Variants in ATOH8 observed in about 807,000 individuals in gnomAD.
ATOH8 encodes atonal bHLH transcription factor 8, also known as transcription factor ATOH8.
Under a neutral mutation model 21.2 loss-of-function variants are expected in ATOH8, and 9 were observed. The ratio of observed to expected loss-of-function variants is 0.42; its 90% confidence interval spans 0.26 to 0.74. ATOH8 has a LOEUF of 0.74. Ranked by LOEUF, ATOH8 falls within the 30% of genes least tolerant of loss-of-function variation. The pLI, the probability that ATOH8 is intolerant of heterozygous loss-of-function variation, is 0.24. For missense variants in ATOH8, 524 were observed against 470.9 expected, an observed-to-expected ratio of 1.11 and a Z score of -1.04; for synonymous variants, 253 against 224.0, an observed-to-expected ratio of 1.13 and a Z score of -1.16.
chr2:85,786,963 G>C lies in ATOH8; in HGVS notation c.*73G>C. Reference sequence around the variant, plus strand: ...TCAGGCCTGAGGACAAGGTGAGCTCGCTGAGTCCAGCCTCGTGGTCTTCTC... The same window carrying C: ...TCAGGCCTGAGGACAAGGTGAGCTCCCTGAGTCCAGCCTCGTGGTCTTCTC... On this transcript the variant is annotated 3_prime_UTR_variant, in exon 3 of 3. Coordinates refer to ENST00000306279, the MANE Select transcript of ATOH8 (RefSeq NM_032827.7). 6.2e-7 allele frequency: 1 copy of C among 1,602,194 alleles called. No homozygotes were observed. Among genetic ancestry groups the C allele is most frequent in the Non-Finnish European group, 8.5e-7 (1 of 1,170,124 alleles).
chr2:85,762,977 G>A (rs746011365), intron 1 of ATOH8, among the ~76,000 whole-genome samples: 9 of 152,062 alleles, frequency 5.9e-5, no homozygotes, highest in Admixed American at 5.2e-4. Context: ...GCATCGTGCC[G>A]TCCCACCCCC....
chr2:85,775,268 A>C, intron 2 of ATOH8: 1 of 985,370 alleles, frequency 1.0e-6, no homozygotes, highest in Non-Finnish European at 1.2e-6. Context: ...AGGGCCCCCA[A>C]ATAATGACAC....
chr2:85,769,396 G>T (rs969790856), intron 2 of ATOH8, among the ~76,000 whole-genome samples: 10 of 152,210 alleles, frequency 6.6e-5, no homozygotes, highest in African/African-American at 2.4e-4. Context: ...CCCGGGTGGT[G>T]TGCCTGCAGC....
Position 85,789,419 on chromosome 2 carries a change from C to T in ATOH8, c.*2529C>T, listed in dbSNP as rs147660401. Among the ~76,000 whole-genome samples the T allele has an allele frequency of 2.1e-3, 321 of 152,124 alleles. 2 individuals are homozygous for T. The highest frequency in any genetic ancestry group is 6.4e-3 in the African/African-American group (264 of 41,510). On this transcript the variant is annotated 3_prime_UTR_variant, in exon 3 of 3. Coordinates refer to ENST00000306279, the MANE Select transcript of ATOH8 (RefSeq NM_032827.7). The stretch of plus-strand genomic sequence containing the variant: ...TTATAGCAGATGACTAAGGTGTTGT[C>T]GGGAGCTTCAGGAAAGGAAGAACTA...
chr2:85,754,730 C>T lies in ATOH8; in HGVS notation c.541C>T (p.Pro181Ser), dbSNP rs761891696. The T allele has an allele frequency of 9.9e-6, 16 of 1,612,316 alleles. No homozygotes were observed. The Admixed American group carries it at 2.0e-4, about 20-fold the overall frequency. The change falls in exon 1 of 3, where the codon CCT becomes TCT. Residue 181 changes from proline to serine, a missense_variant. Coordinates refer to ENST00000306279, the MANE Select transcript of ATOH8 (RefSeq NM_032827.7). ...AGCGCCCCCGGAGTCCACTGTGCGCCCTGCGCCCCCGACGCGCCCCGGGGA... is the reference window on the plus strand; with the variant it reads ...AGCGCCCCCGGAGTCCACTGTGCGCTCTGCGCCCCCGACGCGCCCCGGGGA... ...PPAPPESTVR[P>S]APPTRPGESS...
At chr2:85,760,192 C>T (rs1235191451) in intron 1 of ATOH8, among the ~76,000 whole-genome samples, 4 of 152,060 alleles carry the variant, frequency 2.6e-5, no homozygotes, top group African/African-American at 9.7e-5. Flanking sequence ...GTCTGTTCCT[C>T]CAAAGTTTAA....
At chr2:85,782,737 C>A (rs1680528634) in intron 2 of ATOH8, among the ~76,000 whole-genome samples, 1 of 152,130 alleles carries the variant, frequency 6.6e-6, no homozygotes, top group South Asian at 2.1e-4. Context: ...CCTCTGACAC[C>A]CAGGTTGGAG....
At chr2:85,772,689 G>A (rs1188110899) in intron 2 of ATOH8, 1 of 456,542 alleles carries the variant, frequency 2.2e-6, no homozygotes, top group Non-Finnish European at 4.4e-6. Context: ...CCGTGCAAAA[G>A]GTTCTTTGTG....
intron 1 of ATOH8, among the ~76,000 whole-genome samples, chr2:85,761,414 G>C (rs1032535105): frequency 7.9e-5 from 12 of 152,208 alleles, no homozygotes; most frequent in African/African-American, 2.9e-4. Context: ...TCTGGAGCTT[G>C]ATAGAAACAA....
intron 2 of ATOH8, chr2:85,774,639 C>T: frequency 1.0e-6 from 1 of 985,538 alleles, no homozygotes; most frequent in Non-Finnish European, 1.2e-6. Flanking sequence ...GAAAGCTGGT[C>T]AGACTGCCTC....
At chr2:85,781,528 T>C (rs1392720584) in intron 2 of ATOH8, among the ~76,000 whole-genome samples, 2 of 152,174 alleles carry the variant, frequency 1.3e-5, no homozygotes. Flanking sequence ...ATCACGCCAC[T>C]GTACTCCAGC....
chr2:85,769,751 C>G (rs981231507), intron 2 of ATOH8, among the ~76,000 whole-genome samples: 13 of 152,150 alleles, frequency 8.5e-5, no homozygotes, highest in African/African-American at 3.1e-4. Flanking sequence ...GACAGGATCC[C>G]TGGGTGCCAG....
intron 2 of ATOH8, among the ~76,000 whole-genome samples, chr2:85,769,504 C>T (rs1463012858): frequency 2.0e-5 from 3 of 152,228 alleles, no homozygotes; most frequent in African/African-American, 4.8e-5. Flanking sequence ...TAAGCCAGTG[C>T]AGCTTCATGA....
At chr2:85,784,976 C>T (rs577356706) in intron 2 of ATOH8, among the ~76,000 whole-genome samples, 7 of 152,274 alleles carry the variant, frequency 4.6e-5, no homozygotes, top group South Asian at 2.1e-4. Context: ...AGGGTGAGGT[C>T]GAGAATTGAA....
At chr2:85,768,078 AATG>A (rs61207001) in intron 2 of ATOH8, among the ~76,000 whole-genome samples, 3,383 of 152,266 alleles carry the variant, frequency 0.022, 129 homozygotes, top group African/African-American at 0.078. Context: ...TTTGAGTCTG[AATG>A]ATATTACGAG....
intron 2 of ATOH8, among the ~76,000 whole-genome samples, chr2:85,767,202 G>C (rs1184011555): frequency 6.6e-6 from 1 of 152,126 alleles, no homozygotes. Flanking sequence ...TTCTGTTTGG[G>C]GAATCAACCC....
chr2:85,771,787 G>A (rs536520680), intron 2 of ATOH8, among the ~76,000 whole-genome samples: 1 of 152,242 alleles, frequency 6.6e-6, no homozygotes, highest in African/African-American at 2.4e-5. Context: ...GTCCCCTTAT[G>A]GGCATCCCAC....
intron 2 of ATOH8, among the ~76,000 whole-genome samples, chr2:85,770,367 A>G (rs971081089): frequency 8.3e-5 from 12 of 143,962 alleles, no homozygotes; most frequent in African/African-American, 2.8e-4. Context: ...CACATATCCA[A>G]CCCCCTCCCG....
intron 2 of ATOH8, among the ~76,000 whole-genome samples, chr2:85,771,600 C>G (rs1680182927): frequency 6.6e-6 from 1 of 152,196 alleles, no homozygotes; most frequent in South Asian, 2.1e-4. Context: ...AACCCCTGGT[C>G]CTGCACCCTT....
Sources: gnomAD v4.1 joint callset for allele counts (sites outside exome capture counted in the v4.1 genomes callset) on GRCh38, gnomAD v4.1.1 for gene constraint, MANE v1.5 for transcripts, NCBI Gene and HGNC (gene_info 2026-07-23, HGNC 2026-07-21) for gene names.